FRYL: variants seen among roughly 807,000 people sequenced by gnomAD.
FRYL encodes protein furry homolog-like.
A neutral mutation model predicts 351.2 loss-of-function variants in FRYL; 150 were observed. The observed-to-expected ratio is 0.43, with a 90% CI of 0.37 to 0.49. The LOEUF (loss-of-function observed/expected upper bound fraction) is 0.49, where lower values mean the gene tolerates loss of function less well. FRYL is among the 20% of genes least tolerant of loss of function. The pLI, the probability that FRYL is intolerant of heterozygous loss-of-function variation, is 0.00. For missense variants in FRYL, 3,036 were observed against 3,619.3 expected (o/e 0.84, Z 4.13); for synonymous variants, 1,153 against 1,257.1 (o/e 0.92, Z 1.75).
intron 1 of FRYL, among the ~76,000 whole-genome samples, chr4:48,779,780 G>A (rs1362586818): frequency 6.6e-6 from 1 of 151,908 alleles, no homozygotes; most frequent in Non-Finnish European, 1.5e-5. Context: ...GGGACGTGCG[G>A]GAGAGACGGG....
chr4:48,707,026 C>CT (rs1158673870), intron 2 of FRYL, among the ~76,000 whole-genome samples: 2 of 152,160 alleles, frequency 1.3e-5, no homozygotes, highest in African/African-American at 2.4e-5. Context: ...CCCAAAGAAA[C>CT]TGACTCACAG....
intron 3 of FRYL, among the ~76,000 whole-genome samples, chr4:48,650,224 T>C (rs1180491223): frequency 6.6e-6 from 1 of 152,124 alleles, no homozygotes; most frequent in Non-Finnish European, 1.5e-5. Flanking sequence ...AATAACCAAA[T>C]TATAAAAGGG....
At chr4:48,589,035 T>A (rs996598808) in intron 18 of FRYL, among the ~76,000 whole-genome samples, 33 of 152,252 alleles carry the variant, frequency 2.2e-4, no homozygotes, top group African/African-American at 7.7e-4. Flanking sequence ...TAGCATATAG[T>A]AGTACATAAT....
At chr4:48,623,407 A>G (rs1265343065) in intron 4 of FRYL, among the ~76,000 whole-genome samples, 1 of 152,174 alleles carries the variant, frequency 6.6e-6, no homozygotes, top group East Asian at 1.9e-4. Flanking sequence ...TCTCCATACC[A>G]AAGAAAGTGG....
chr4:48,564,415 A>G (rs1345797230), intron 30 of FRYL, among the ~76,000 whole-genome samples: 1 of 152,160 alleles, frequency 6.6e-6, no homozygotes. Flanking sequence ...TAACCTCTCC[A>G]ATTATTTTTA....
intron 3 of FRYL, among the ~76,000 whole-genome samples, chr4:48,673,989 C>G (rs1763139776): frequency 6.6e-6 from 1 of 152,224 alleles, no homozygotes; most frequent in Admixed American, 6.5e-5. Context: ...TCATATGTTT[C>G]TTCCATTCTT....
At chr4:48,658,687 G>A (rs1230834669) in intron 3 of FRYL, among the ~76,000 whole-genome samples, 7 of 151,438 alleles carry the variant, frequency 4.6e-5, no homozygotes, top group East Asian at 3.9e-4. Flanking sequence ...CCAGGAAGTC[G>A]AGGCCGCAGT....
chr4:48,681,595 C>T (rs1231646289), intron 3 of FRYL, among the ~76,000 whole-genome samples: 1 of 151,954 alleles, frequency 6.6e-6, no homozygotes, highest in African/African-American at 2.4e-5. Context: ...ACTAACAGAC[C>T]TCAGGAATGT....
chr4:48,619,750 C>A (rs1046895689), intron 6 of FRYL, among the ~76,000 whole-genome samples: 4 of 152,138 alleles, frequency 2.6e-5, no homozygotes, highest in African/African-American at 7.2e-5. Context: ...GATCCTCCTG[C>A]CTGAGCCTCC....
chr4:48,572,041 C>T (rs1738440907), intron 26 of FRYL: 2 of 961,650 alleles, frequency 2.1e-6, no homozygotes, highest in Non-Finnish European at 2.5e-6. Context: ...CATGACCCTA[C>T]AGTGCTGAAT....
intron 1 of FRYL, among the ~76,000 whole-genome samples, chr4:48,760,971 C>T (rs1462716873): frequency 6.6e-6 from 1 of 151,746 alleles, no homozygotes; most frequent in Non-Finnish European, 1.5e-5. Flanking sequence ...AGCCACCGCC[C>T]CCGGCCACCC....
chr4:48,542,395 A>G (rs1730392802), intron 44 of FRYL, among the ~76,000 whole-genome samples: 1 of 152,170 alleles, frequency 6.6e-6, no homozygotes, highest in African/African-American at 2.4e-5. Context: ...ATCCACCAGC[A>G]AGTCTTGAAA....
intron 1 of FRYL, among the ~76,000 whole-genome samples, chr4:48,724,977 T>C (rs1310103837): frequency 1.3e-5 from 2 of 152,172 alleles, no homozygotes; most frequent in Non-Finnish European, 2.9e-5. Context: ...CCAAACAAGC[T>C]TAAAAGGAGA....
intron 2 of FRYL, among the ~76,000 whole-genome samples, chr4:48,686,992 T>C (rs1765204742): frequency 6.6e-6 from 1 of 152,352 alleles, no homozygotes; most frequent in South Asian, 2.1e-4. Context: ...GCTTTCTTTA[T>C]AGGTTATAAT....
At chr4:48,654,748 A>T (rs1306206318) in intron 3 of FRYL, among the ~76,000 whole-genome samples, 1 of 152,240 alleles carries the variant, frequency 6.6e-6, no homozygotes, top group Non-Finnish European at 1.5e-5. Flanking sequence ...AAAATACTAC[A>T]CATTTGTAAA....
chr4:48,578,215 A>C (rs1236111424), intron 23 of FRYL, among the ~76,000 whole-genome samples: 1 of 152,262 alleles, frequency 6.6e-6, no homozygotes, highest in East Asian at 1.9e-4. Context: ...TATTGATAGA[A>C]AGTAAGAAAA....
chr4:48,718,584 C>T (rs563193831), intron 1 of FRYL, among the ~76,000 whole-genome samples: 29 of 151,530 alleles, frequency 1.9e-4, no homozygotes, highest in African/African-American at 6.8e-4. Context: ...TGAATTCTCT[C>T]TTACAGAGGT....
At chr4:48,548,486 G>A (rs1731925286) in intron 40 of FRYL, among the ~76,000 whole-genome samples, 1 of 152,210 alleles carries the variant, frequency 6.6e-6, no homozygotes. Flanking sequence ...ATAGGAATGG[G>A]GGTAATAGAC....
chr4:48,599,937 G>A (rs577442091), intron 13 of FRYL, among the ~76,000 whole-genome samples: 5 of 151,998 alleles, frequency 3.3e-5, no homozygotes, highest in South Asian at 2.1e-4. Flanking sequence ...GTGAAACCCC[G>A]TCTGTACTAA....
Sources: allele counts gnomAD v4.1 joint callset (sites outside exome capture counted in the v4.1 genomes callset), GRCh38; gene constraint gnomAD v4.1.1; transcripts MANE v1.5; gene names NCBI Gene and HGNC (gene_info 2026-07-23, HGNC 2026-07-21).